DOCK5: variants seen among roughly 807,000 people sequenced by gnomAD.
DOCK5 encodes the protein dedicator of cytokinesis 5, also known as dedicator of cytokinesis protein 5.
A neutral mutation model predicts 251.8 loss-of-function variants in DOCK5; 142 were observed. The observed-to-expected ratio is 0.56, with a 90% CI of 0.49 to 0.65. DOCK5 has a LOEUF of 0.65. Ranked by LOEUF, DOCK5 falls within the 30% of genes least tolerant of loss-of-function variation. The pLI, the probability that DOCK5 is intolerant of heterozygous loss-of-function variation, is 0.00. For synonymous variants in DOCK5, 842 were observed against 835.5 expected (o/e 1.01, Z -0.13); for missense variants, 2,111 against 2,312.3 (o/e 0.91, Z 1.79).
chr8:25,208,533 T>A (rs1298743395), intron 1 of DOCK5, among the ~76,000 whole-genome samples: 2 of 152,184 alleles, frequency 1.3e-5, no homozygotes, highest in Non-Finnish European at 2.9e-5. Flanking sequence ...AGCAAGACCC[T>A]TCACCAGCCA....
chr8:25,372,637 A>G lies in DOCK5; in HGVS notation c.3603A>G (p.Leu1201=), dbSNP rs765173430. The change falls in exon 35 of 52, where the codon TTA becomes TTG. Residue 1201 remains leucine, a synonymous_variant. Coordinates refer to ENST00000276440, the MANE Select transcript of DOCK5 (RefSeq NM_024940.8). ...TCGCCCTCCTGGTCAGCAGCCTCTT[A>G]GAGAACCTGCTGGACTATAGAACCA... ...EVFALLVSSL[L]ENLLDYRTII... is the part of the protein sequence containing the mutation. 1 of 1,609,538 alleles carries G rather than the reference A, an allele frequency of 6.2e-7. No individual in the cohort carries two copies. Among genetic ancestry groups the G allele is most frequent in the South Asian group, 1.1e-5 (1 of 90,118 alleles).
intron 2 of DOCK5, among the ~76,000 whole-genome samples, chr8:25,262,192 T>A (rs1424114817): frequency 6.6e-6 from 1 of 152,200 alleles, no homozygotes; most frequent in African/African-American, 2.4e-5. Flanking sequence ...TTCCAGTTGC[T>A]CCATCTCCTT....
chr8:25,341,700 G>T, intron 23 of DOCK5, 39 bp from the exon 24 acceptor site: 1 of 1,519,860 alleles, frequency 6.6e-7, no homozygotes, highest in Non-Finnish European at 9.0e-7. Context: ...TATTTGTCTT[G>T]CCTGGCAACT....
intron 27 of DOCK5, among the ~76,000 whole-genome samples, chr8:25,357,231 TACTC>T (rs948589645): frequency 2.6e-5 from 4 of 151,912 alleles, no homozygotes; most frequent in Admixed American, 2.0e-4. Flanking sequence ...AAACCTCTAA[TACTC>T]AGAATAGGCA....
chr8:25,354,805 C>A (rs971341786), intron 27 of DOCK5, among the ~76,000 whole-genome samples: 8 of 152,032 alleles, frequency 5.3e-5, no homozygotes, highest in African/African-American at 1.9e-4. Context: ...GGAAAAAAGC[C>A]TTATAATTTT....
At chr8:25,294,978 A>G (rs1336686984) in intron 6 of DOCK5, among the ~76,000 whole-genome samples, 4 of 152,118 alleles carry the variant, frequency 2.6e-5, no homozygotes, top group Non-Finnish European at 5.9e-5. Flanking sequence ...CACCCCCATG[A>G]TCCAATCACC....
intron 40 of DOCK5, 66 bp from the exon 41 acceptor site, chr8:25,389,025 C>A: frequency 6.5e-7 from 1 of 1,527,200 alleles, no homozygotes; most frequent in South Asian, 1.2e-5. Context: ...ACCTCAGTAC[C>A]CGGAACTCCA....
At chr8:25,185,859 A>G (rs2117428267) in intron 1 of DOCK5, among the ~76,000 whole-genome samples, 1 of 152,292 alleles carries the variant, frequency 6.6e-6, no homozygotes, top group Non-Finnish European at 1.5e-5. Context: ...CAAGGATTGA[A>G]GTTATTGAGG....
chr8:25,225,278 G>A (rs1007626014), intron 1 of DOCK5, among the ~76,000 whole-genome samples: 14 of 152,188 alleles, frequency 9.2e-5, no homozygotes, highest in African/African-American at 3.1e-4. Flanking sequence ...GCAGGGTCTG[G>A]AGGAGATATT....
At position 25,332,277 on chromosome 8, in the gene DOCK5, C is replaced by T. The variant is rs756926698; in HGVS notation, c.1930C>T (p.Arg644Cys). 6 of 1,613,224 alleles carry T rather than the reference C, an allele frequency of 3.7e-6. No individual in the cohort carries two copies. The highest frequency in any genetic ancestry group is 2.2e-5 in the East Asian group (1 of 44,790). Residue 644 changes from arginine to cysteine, a missense_variant, in exon 19 of 52, where the codon CGT becomes TGT. Physicochemically the swap from Arg to Cys is radical, Grantham distance 180 (BLOSUM62 -3). Transcript: ENST00000276440. ...NVDLLGLLNW[R>C]SNSQNIKHNL... is the part of the protein sequence containing the mutation. The stretch of plus-strand genomic sequence containing the variant: ...TGACCTGTTAGGCTTGTTAAATTGG[C>T]GTTCCAACTCCCAGAACATTAAACA...
intron 2 of DOCK5, among the ~76,000 whole-genome samples, chr8:25,260,134 T>C (rs1803535497): frequency 6.6e-6 from 1 of 152,198 alleles, no homozygotes; most frequent in Non-Finnish European, 1.5e-5. Context: ...GCTCACTGGC[T>C]TCCCAAGAGA....
intron 3 of DOCK5, among the ~76,000 whole-genome samples, chr8:25,274,750 G>A (rs1026336446): frequency 6.6e-6 from 1 of 152,110 alleles, no homozygotes; most frequent in African/African-American, 2.4e-5. Flanking sequence ...AAATCACTAT[G>A]TAGTTGACCC....
At chr8:25,383,130 C>A (rs778910760) in intron 40 of DOCK5, among the ~76,000 whole-genome samples, 2 of 152,048 alleles carry the variant, frequency 1.3e-5, no homozygotes, top group African/African-American at 2.4e-5. Context: ...AAATAGGTAT[C>A]CCAAGAACCA....
At chr8:25,226,258 C>CTTTT (rs1179597860) in intron 1 of DOCK5, among the ~76,000 whole-genome samples, 42 of 116,944 alleles carry the variant, frequency 3.6e-4, no homozygotes, top group Non-Finnish European at 5.5e-4. Context: ...GTATAGGCTG[C>CTTTT]TTTTTTTTTT....
intron 9 of DOCK5, among the ~76,000 whole-genome samples, chr8:25,301,239 T>A (rs908197981): frequency 1.3e-5 from 2 of 152,192 alleles, no homozygotes; most frequent in Non-Finnish European, 2.9e-5. Context: ...AGCATATTCA[T>A]CACAGACAAG....
At position 25,412,101 on chromosome 8, in the gene DOCK5, T is replaced by TTTG. The variant is rs58427136; in HGVS notation, c.*803_*804insTTG. The TTTG allele has an allele frequency of 3.4e-5, 4 of 117,550 alleles. No individual in the cohort carries two copies. Among genetic ancestry groups the TTTG allele is most frequent in the Non-Finnish European group, 7.1e-5 (4 of 56,172 alleles). 7.3% of individuals were successfully genotyped at this position (117,550 alleles called of 1,614,324 possible). On this transcript the variant is annotated 3_prime_UTR_variant, in exon 52 of 52. Transcript: ENST00000276440. Reference sequence around the variant, plus strand: ...GGCTTTTTTTTTTTTTTTTTTTTTTTGTCCTATTACCTCCTCTGAGCGCAA... The same window carrying TTTG: ...GGCTTTTTTTTTTTTTTTTTTTTTTTTTGGTCCTATTACCTCCTCTGAGCGCAA...
In DOCK5 at chr8:25,184,899, G is replaced by T; in HGVS notation, c.-10G>T. 1 of 1,407,400 alleles carries T rather than the reference G, an allele frequency of 7.1e-7. No individual in the cohort carries two copies. The highest frequency in any genetic ancestry group is 1.6e-5 in the South Asian group (1 of 61,026). The allele number at this position is 1,407,400 out of a possible 1,614,324, so 87.2% of individuals were successfully genotyped here. Reference sequence around the variant, plus strand: ...CTTAGTCGCCGCCGCCGCGGGGCGAGGTCGCCGCCATGGCCCGCTGGATCC... The same window carrying T: ...CTTAGTCGCCGCCGCCGCGGGGCGATGTCGCCGCCATGGCCCGCTGGATCC... On this transcript the variant is annotated 5_prime_UTR_variant, in exon 1 of 52. It adds an upstream start codon to the 5' untranslated region. Transcript: ENST00000276440.
At chr8:25,219,116 C>T (rs1009011795) in intron 1 of DOCK5, among the ~76,000 whole-genome samples, 8 of 152,188 alleles carry the variant, frequency 5.3e-5, no homozygotes, top group African/African-American at 1.9e-4. Context: ...AGTATCTGCT[C>T]TTCTACCTGG....
chr8:25,196,993 G>A (rs564448592), intron 1 of DOCK5, among the ~76,000 whole-genome samples: 1 of 152,138 alleles, frequency 6.6e-6, no homozygotes, highest in African/African-American at 2.4e-5. Flanking sequence ...GAGCCCAGGA[G>A]TTTGAGACCA....
Sources: gnomAD v4.1 joint callset for allele counts (sites outside exome capture counted in the v4.1 genomes callset) on GRCh38, gnomAD v4.1.1 for gene constraint, MANE v1.5 for transcripts, NCBI Gene and HGNC (gene_info 2026-07-23, HGNC 2026-07-21) for gene names.